The following TRANK1 variants were observed in gnomAD, a reference collection of about 807,000 sequenced individuals.
TRANK1 encodes the protein tetratricopeptide repeat and ankyrin repeat containing 1, also known as TPR and ankyrin repeat-containing protein 1.
A neutral mutation model predicts 266.0 loss-of-function variants in TRANK1; 198 were observed. That is an observed-to-expected ratio of 0.74 (90% CI 0.66 to 0.84). The LOEUF is 0.84. Among genes scored for constraint, TRANK1 ranks in the 40% least tolerant of loss-of-function variants. TRANK1 has a pLI of 0.00. For missense variants in TRANK1, 3,326 were observed against 3,634.6 expected, an observed-to-expected ratio of 0.92 and a Z score of 2.18; for synonymous variants, 1,396 against 1,384.1, an observed-to-expected ratio of 1.01 and a Z score of -0.19.
intron 8 of TRANK1, among the ~76,000 whole-genome samples, chr3:36,876,488 G>A (rs2079389632): frequency 6.6e-6 from 1 of 152,186 alleles, no homozygotes; most frequent in Non-Finnish European, 1.5e-5. Context: ...ATTGGGAGGA[G>A]GTATCCTCTT....
intron 9 of TRANK1, among the ~76,000 whole-genome samples, chr3:36,869,365 G>C (rs1415639563): frequency 1.3e-5 from 2 of 152,328 alleles, no homozygotes; most frequent in East Asian, 3.9e-4. Flanking sequence ...CAGCAAAATG[G>C]GGTACAGCAA....
At chr3:36,864,799 G>A (rs2079190915) in intron 9 of TRANK1, among the ~76,000 whole-genome samples, 1 of 152,148 alleles carries the variant, frequency 6.6e-6, no homozygotes, top group Admixed American at 6.5e-5. Context: ...AGTCAGGCTA[G>A]CCTACTGAGA....
intron 17 of TRANK1, among the ~76,000 whole-genome samples, chr3:36,844,617 A>G (rs1470984074): frequency 6.6e-6 from 1 of 152,214 alleles, no homozygotes; most frequent in Non-Finnish European, 1.5e-5. Context: ...TGCTAGGCCA[A>G]TCCACTCATT....
At chr3:36,837,496 T>A (rs1161929265) in intron 20 of TRANK1, among the ~76,000 whole-genome samples, 1 of 152,178 alleles carries the variant, frequency 6.6e-6, no homozygotes, top group Admixed American at 6.5e-5. Flanking sequence ...CCTTTCCTAC[T>A]GAAGGATATT....
Position 36,855,883 on chromosome 3 carries a change from T to C in TRANK1, c.3839A>G (p.Gln1280Arg), listed in dbSNP as rs1321890565. ...LKRTIIGWSAQEESTIPSWQE... is the reference protein window; with the variant it reads ...LKRTIIGWSAREESTIPSWQE... ...CCAACTAGGAATGGTTGACTCTTCC[T>C]GTGCAGACCATCCTATGATGGTTCT... is the stretch of plus-strand genomic sequence containing the variant. Residue 1280 changes from glutamine (Q) to arginine (R), a missense_variant, in exon 13 of 24, where the codon CAG becomes CGG. By Grantham distance (43) the Gln-to-Arg change is conservative. Coordinates refer to ENST00000645898, the MANE Select transcript of TRANK1 (RefSeq NM_001329998.2). 2.0e-5 allele frequency: 33 copies of C among 1,613,658 alleles called. No homozygotes were observed. Among genetic ancestry groups the C allele is most frequent in the Non-Finnish European group, 2.6e-5 (31 of 1,179,862 alleles).
At chr3:36,944,656 G>A (rs2080546925) in intron 1 of TRANK1, 131 bp downstream of exon 1, 2 of 1,113,272 alleles carry the variant, frequency 1.8e-6, no homozygotes, top group Non-Finnish European at 2.5e-6. Context: ...GGCCCCACAG[G>A]GATGGCCGGG....
rs770209765 is a variant in TRANK1 at position 36,846,235 on chromosome 3, A to G, written c.5191+13T>C. On this transcript the variant is annotated intron_variant, in intron 17 of 23. Coordinates refer to ENST00000645898, the MANE Select transcript of TRANK1 (RefSeq NM_001329998.2). ...TTCCTCCATCAGTTAAGAGTATTTT[A>G]ACAGGATCTTACCTTTATTTTCATC... 12 of 1,566,160 alleles carry G rather than the reference A, an allele frequency of 7.7e-6. No homozygotes were observed. In the East Asian group the frequency reaches 2.1e-4, roughly 27 times the overall value.
At chr3:36,860,498 G>T (rs1323305409) in intron 11 of TRANK1, among the ~76,000 whole-genome samples, 1 of 152,180 alleles carries the variant, frequency 6.6e-6, no homozygotes, top group East Asian at 1.9e-4. Context: ...ATCCCAATCT[G>T]TTGATCAGAA....
Position 36,895,772 on chromosome 3 carries a change from T to C in TRANK1, c.434-14A>G, listed in dbSNP as rs182351749. 278 of 1,508,630 alleles carry C rather than the reference T, an allele frequency of 1.8e-4. No individual in the cohort carries two copies. Among genetic ancestry groups the C allele is most frequent in the Admixed American group, 2.8e-4 (13 of 46,642 alleles). 93.5% of individuals were successfully genotyped at this position (1,508,630 alleles called of 1,614,324 possible). On this transcript the variant is annotated splice_polypyrimidine_tract_variant and intron_variant, in intron 4 of 23. Transcript: ENST00000645898. ...CAATGGAGTCACCTAAAAGAAAGTT[T>C]CATAATTTAGGGATTTTAATGTGGG...
chr3:36,890,620 G>A (rs574713897), intron 7 of TRANK1, among the ~76,000 whole-genome samples: 15 of 152,236 alleles, frequency 9.9e-5, no homozygotes, highest in Admixed American at 4.6e-4. Context: ...TCTGGGTGAG[G>A]CACAACAGCC....
At chr3:36,893,292 AAG>A (rs2079736509) in intron 5 of TRANK1, among the ~76,000 whole-genome samples, 1 of 151,996 alleles carries the variant, frequency 6.6e-6, no homozygotes, top group Non-Finnish European at 1.5e-5. Context: ...ACAAAAAAAA[AAG>A]AGTAATTCCC....
chr3:36,907,902 A>C (rs1172180746), intron 2 of TRANK1, among the ~76,000 whole-genome samples: 5 of 152,210 alleles, frequency 3.3e-5, no homozygotes. Context: ...TGATACTACA[A>C]TGTTTGAGAA....
At chr3:36,887,707 A>G (rs1180812807) in intron 8 of TRANK1, among the ~76,000 whole-genome samples, 3 of 152,238 alleles carry the variant, frequency 2.0e-5, no homozygotes, top group African/African-American at 7.2e-5. Flanking sequence ...CAGGGAAGCC[A>G]AAAGATCAGA....
At chr3:36,896,457 A>T (rs569638405) in intron 4 of TRANK1, among the ~76,000 whole-genome samples, 18 of 152,378 alleles carry the variant, frequency 1.2e-4, no homozygotes, top group Admixed American at 5.9e-4. Context: ...AATGACACAA[A>T]GTTTCCCATA....
At position 36,832,087 on chromosome 3, in the gene TRANK1, T is replaced by A; in HGVS notation, c.7496A>T (p.Glu2499Val). The A allele has an allele frequency of 6.2e-7, 1 of 1,614,006 alleles. No individual in the cohort carries two copies. The highest frequency in any genetic ancestry group is 1.7e-5 in the Admixed American group (1 of 60,028). Residue 2499 changes from glutamate (E) to valine (V), a missense_variant, in exon 22 of 24, where the codon GAG becomes GTG. Coordinates refer to ENST00000645898, the MANE Select transcript of TRANK1 (RefSeq NM_001329998.2). The part of the protein sequence containing the change: ...WEFLFSKKDK[E>V]LGDVFSIIQE... ...AATGATGGAGAACACATCCCCAAGC[T>A]CCTTGTCCTTCTTGCTAAACAGGAA...
chr3:36,861,314 C>CAG (rs2079139205), intron 10 of TRANK1, among the ~76,000 whole-genome samples, 154 bp from the exon 11 acceptor site: 1 of 152,150 alleles, frequency 6.6e-6, no homozygotes, highest in Non-Finnish European at 1.5e-5. Flanking sequence ...TCATGAACAT[C>CAG]AGTGTAATGA....
chr3:36,922,639 G>T (rs552984133), intron 1 of TRANK1, among the ~76,000 whole-genome samples: 3 of 152,110 alleles, frequency 2.0e-5, no homozygotes, highest in African/African-American at 7.2e-5. Flanking sequence ...AGCTGGGTGT[G>T]GTGGCACACA....
intron 1 of TRANK1, among the ~76,000 whole-genome samples, chr3:36,924,840 C>A (rs986797167): frequency 3.3e-5 from 5 of 152,206 alleles, no homozygotes; most frequent in Non-Finnish European, 7.3e-5. Flanking sequence ...AACAGGACTG[C>A]CCTGAGAGCC....
intron 15 of TRANK1, chr3:36,850,189 A>T (rs2078968149): frequency 1.0e-6 from 1 of 985,292 alleles, no homozygotes; most frequent in Admixed American, 6.1e-5. Flanking sequence ...TCCAACCATG[A>T]CCGATGGATG....
Sources: allele counts gnomAD v4.1 joint callset (sites outside exome capture counted in the v4.1 genomes callset), GRCh38; gene constraint gnomAD v4.1.1; transcripts MANE v1.5; gene names NCBI Gene and HGNC (gene_info 2026-07-23, HGNC 2026-07-21).